The following ANGPT1 variants were observed in gnomAD, a reference collection of about 807,000 sequenced individuals.
ANGPT1 encodes angiopoietin 1.
ANGPT1 carries 17 observed loss-of-function variants against 62.2 expected under a neutral mutation model. That is an observed-to-expected ratio of 0.27 (90% CI 0.19 to 0.41). The LOEUF (loss-of-function observed/expected upper bound fraction) is 0.41. ANGPT1 is among the 10% of genes least tolerant of loss of function. The pLI, the probability that ANGPT1 is intolerant of heterozygous loss-of-function variation, is 1.00. For missense variants in ANGPT1, 478 were observed against 594.9 expected, an observed-to-expected ratio of 0.80 and a Z score of 2.04; for synonymous variants, 199 against 198.9, an observed-to-expected ratio of 1.00 and a Z score of 0.00.
At position 107,250,071 on chromosome 8, in the gene ANGPT1, A is replaced by G. The variant is rs1219518386; in HGVS notation, c.*1784T>C. The G allele has an allele frequency of 6.6e-6, 1 of 152,588 alleles. No individual in the cohort carries two copies. Among genetic ancestry groups the G allele is most frequent in the Admixed American group, 6.5e-5 (1 of 15,274 alleles). The allele number at this position is 152,588 out of a possible 1,614,324, so 9.5% of individuals were successfully genotyped here. A position where few individuals can be genotyped will look rare whatever the true frequency, so the allele number is the denominator to read the frequency against. ...ACTTTAAAAAGTATTTTTCTTAACA[A>G]TGTGAATAGCTTTATTTTCTCAAAT... On this transcript the variant is annotated 3_prime_UTR_variant, in exon 9 of 9. Coordinates refer to ENST00000517746, the MANE Select transcript of ANGPT1 (RefSeq NM_001146.5).
rs1170845764 is a variant in ANGPT1 at position 107,329,701 on chromosome 8, G to T, written c.575+6449C>A. ...TGTGTGAGTCTCTGTGTGTCGTATG[G>T]ATAAATGGCATTTGTTGGGTTAGAG... On this transcript the variant is annotated intron_variant, in intron 3 of 8. Coordinates refer to ENST00000517746, the MANE Select transcript of ANGPT1 (RefSeq NM_001146.5). Among the ~76,000 whole-genome samples, 3 of 151,652 alleles carry T rather than the reference G, an allele frequency of 2.0e-5. No individual in the cohort carries two copies. In the East Asian group the frequency reaches 5.8e-4, roughly 29 times the overall value.
intron 1 of ANGPT1, among the ~76,000 whole-genome samples, chr8:107,490,053 T>C (rs1423187400): frequency 6.6e-6 from 1 of 152,096 alleles, no homozygotes; most frequent in Non-Finnish European, 1.5e-5. Flanking sequence ...AATTAGCAAA[T>C]TATAGCACAG....
At chr8:107,299,391 GTATATATATATATATATA>G (rs59247214) in intron 5 of ANGPT1, among the ~76,000 whole-genome samples, 4 of 112,598 alleles carry the variant, frequency 3.6e-5, no homozygotes, top group East Asian at 3.3e-4. Flanking sequence ...ATGAAGGAGT[GTATATATATATATATATA>G]TATATATATA....
chr8:107,398,869 A>G (rs1816988659), intron 1 of ANGPT1, among the ~76,000 whole-genome samples: 1 of 152,188 alleles, frequency 6.6e-6, no homozygotes, highest in Admixed American at 6.6e-5. Context: ...TCAGTATTCC[A>G]TAGCTCTAGA....
chr8:107,376,052 C>CT (rs997047423), intron 1 of ANGPT1, among the ~76,000 whole-genome samples: 157 of 152,214 alleles, frequency 1.0e-3, no homozygotes, highest in African/African-American at 3.2e-3. Context: ...ATCCCTATTC[C>CT]TTTTTTCCAA....
chr8:107,405,443 C>A (rs182078827), intron 1 of ANGPT1, among the ~76,000 whole-genome samples: 2 of 151,842 alleles, frequency 1.3e-5, no homozygotes, highest in African/African-American at 4.8e-5. Context: ...TGATATGATG[C>A]CACAAATGAA....
At position 107,497,339 on chromosome 8, in the gene ANGPT1, CGTGTGGAGCA is replaced by C; in HGVS notation, c.210_219del (p.Asp70GlufsTer17). 6.2e-7 allele frequency: 1 copy of C among 1,614,136 alleles called. No individual in the cohort carries two copies. ...TTCTGGGAAGAGAAATCCGGTTCCACGTGTGGAGCATCTCTCTGCAGAGCGTTTGTGTTGT... is the reference window on the plus strand; with the variant it reads ...TTCTGGGAAGAGAAATCCGGTTCCACTCTCTCTGCAGAGCGTTTGTGTTGT... On this transcript the variant is annotated frameshift_variant, in exon 1 of 9. Coordinates refer to ENST00000517746, the MANE Select transcript of ANGPT1 (RefSeq NM_001146.5). LOFTEE classifies it high-confidence loss of function.
At chr8:107,487,833 G>A (rs79243467) in intron 1 of ANGPT1, among the ~76,000 whole-genome samples, 3,751 of 152,082 alleles carry the variant, frequency 0.025, 134 homozygotes, top group African/African-American at 0.083. Flanking sequence ...AAAAAAACAA[G>A]GTTAGCTAAG....
At chr8:107,339,627 C>T (rs920606012) in intron 2 of ANGPT1, among the ~76,000 whole-genome samples, 7 of 152,142 alleles carry the variant, frequency 4.6e-5, no homozygotes, top group Non-Finnish European at 7.4e-5. Context: ...TCTATTCACT[C>T]ATTTGCTGTC....
At chr8:107,396,075 GGA>G (rs1252754826) in intron 1 of ANGPT1, among the ~76,000 whole-genome samples, 1 of 152,158 alleles carries the variant, frequency 6.6e-6, no homozygotes, top group African/African-American at 2.4e-5. Flanking sequence ...ACTATTTGAT[GGA>G]GAGACCATGA....
In ANGPT1 at chr8:107,282,553, CATATATAT is replaced by C. The variant is rs753412026; in HGVS notation, c.1205+2121_1205+2128del. ...TTATATATATATTACATATATGAAC[CATATATAT>C]ATATATATATATATATATATATATA... On this transcript the variant is annotated intron_variant, in intron 7 of 8. Coordinates refer to ENST00000517746, the MANE Select transcript of ANGPT1 (RefSeq NM_001146.5). 8.3e-3 allele frequency among the ~76,000 whole-genome samples: 426 copies of C among 51,062 alleles called. 14 individuals carry two copies. The highest frequency in any genetic ancestry group is 0.081 in the East Asian group (142 of 1,754). 33.5% of individuals were successfully genotyped at this position (51,062 alleles called of 152,430 possible).
intron 1 of ANGPT1, among the ~76,000 whole-genome samples, chr8:107,420,302 C>T (rs1033254308): frequency 6.6e-5 from 10 of 152,048 alleles, no homozygotes; most frequent in Non-Finnish European, 1.3e-4. Context: ...GTGCTTCAAG[C>T]CTCCCCCAGT....
intron 1 of ANGPT1, among the ~76,000 whole-genome samples, chr8:107,428,381 C>A (rs1396514942): frequency 6.6e-6 from 1 of 152,114 alleles, no homozygotes; most frequent in African/African-American, 2.4e-5. Flanking sequence ...AAGACTGACC[C>A]CCATGAGACT....
intron 3 of ANGPT1, among the ~76,000 whole-genome samples, chr8:107,333,504 T>C (rs1477048004): frequency 1.3e-5 from 2 of 152,166 alleles, no homozygotes; most frequent in Middle Eastern, 3.2e-3. Context: ...GAAAAGGAAA[T>C]TGCTATAATC....
chr8:107,296,245 A>C (rs1814413130), intron 5 of ANGPT1, among the ~76,000 whole-genome samples: 1 of 152,114 alleles, frequency 6.6e-6, no homozygotes, highest in African/African-American at 2.4e-5. Context: ...GACAGAATAC[A>C]TCAGGAAACT....
intron 1 of ANGPT1, among the ~76,000 whole-genome samples, chr8:107,468,472 A>G (rs79793920): frequency 0.053 from 8,005 of 152,056 alleles, 242 homozygotes; most frequent in South Asian, 0.11. Context: ...CCTTTAATCT[A>G]CTTCTGTGAT....
chr8:107,416,589 C>T (rs1042146785), intron 1 of ANGPT1, among the ~76,000 whole-genome samples: 1 of 151,994 alleles, frequency 6.6e-6, no homozygotes, highest in Non-Finnish European at 1.5e-5. Context: ...ATTGGACAGG[C>T]AGGATTGAAG....
intron 1 of ANGPT1, among the ~76,000 whole-genome samples, chr8:107,441,051 C>T (rs1223280241): frequency 1.4e-5 from 2 of 144,846 alleles, no homozygotes; most frequent in Non-Finnish European, 3.1e-5. Flanking sequence ...CAATCATTAT[C>T]TTGATACTTT....
At chr8:107,496,053 G>C (rs983359106) in intron 1 of ANGPT1, among the ~76,000 whole-genome samples, 1 of 152,184 alleles carries the variant, frequency 6.6e-6, no homozygotes, top group Admixed American at 6.5e-5. Flanking sequence ...AATGACCTAA[G>C]TGAGTGTGAC....
Sources: gnomAD v4.1 joint callset for allele counts (sites outside exome capture counted in the v4.1 genomes callset) on GRCh38, gnomAD v4.1.1 for gene constraint, MANE v1.5 for transcripts, NCBI Gene and HGNC (gene_info 2026-07-23, HGNC 2026-07-21) for gene names.